CPNE5: variants seen among roughly 807,000 people sequenced by gnomAD.
CPNE5 encodes the protein copine 5, also known as copine-5.
A neutral mutation model predicts 81.1 loss-of-function variants in CPNE5; 42 were observed. That is an observed-to-expected ratio of 0.52 (90% confidence interval 0.40 to 0.67). The LOEUF (loss-of-function observed/expected upper bound fraction) is 0.67, where lower values mean the gene tolerates loss of function less well. CPNE5 is among the 30% of genes least tolerant of loss of function. The probability of loss-of-function intolerance (pLI) is 0.00; values close to 1 mark genes in which losing one functional copy is unlikely to be tolerated. For synonymous variants in CPNE5, 313 were observed against 321.5 expected, an observed-to-expected ratio of 0.97 and a Z score of 0.28; for missense variants, 612 against 815.5, an observed-to-expected ratio of 0.75 and a Z score of 3.04.
chr6:36,742,815 C>A, intron 20 of CPNE5: 1 of 985,420 alleles, frequency 1.0e-6, no homozygotes, highest in Non-Finnish European at 1.2e-6. Context: ...AACTGAATCC[C>A]TGACTTCTGG....
At position 36,837,180 on chromosome 6, in the gene CPNE5, C is replaced by T. The variant is rs367576594; in HGVS notation, c.95+2103G>A. Among the ~76,000 whole-genome samples, 8 of 152,314 alleles carry T rather than the reference C, an allele frequency of 5.3e-5. No homozygotes were observed. In the East Asian group the frequency reaches 9.6e-4, roughly 18 times the overall value. On this transcript the variant is annotated intron_variant, in intron 1 of 20. Coordinates refer to ENST00000244751, the MANE Select transcript of CPNE5 (RefSeq NM_020939.2). The stretch of plus-strand genomic sequence containing the variant: ...TGCCAAGCAAGTGCAAAGTAGCTTG[C>T]TAGGTGCTTCATGCTCCTCCACTCC...
rs573879786 is a variant in CPNE5, at chr6:36,756,413, G to T, written c.856-115C>A. Reference sequence around the variant, plus strand: ...AAGCCCAGCCCCATTAGAGTGTGGGGTGTGAAGACCACGGGGCCAGGGGAG... The same window carrying T: ...AAGCCCAGCCCCATTAGAGTGTGGGTTGTGAAGACCACGGGGCCAGGGGAG... On this transcript the variant is annotated intron_variant, in intron 12 of 20. Transcript: ENST00000244751. 7.8e-4 allele frequency: 627 copies of T among 807,980 alleles called. 3 individuals carry two copies. In the South Asian group the frequency reaches 8.4e-3, roughly 11 times the overall value. The allele number at this position is 807,980 out of a possible 1,614,324, so 50.1% of individuals were successfully genotyped here. A position where few individuals can be genotyped will look rare whatever the true frequency, so the allele number is the denominator to read the frequency against.
intron 12 of CPNE5, among the ~76,000 whole-genome samples, chr6:36,762,400 G>C (rs1404992953): frequency 6.6e-6 from 1 of 152,052 alleles, no homozygotes; most frequent in African/African-American, 2.4e-5. Flanking sequence ...AAATGCTACT[G>C]TTACACCTCC....
chr6:36,746,586 C>T lies in CPNE5; in HGVS notation c.1019-9G>A, dbSNP rs1281781349. On this transcript the variant is annotated splice_polypyrimidine_tract_variant and intron_variant, in intron 15 of 20. Coordinates refer to ENST00000244751, the MANE Select transcript of CPNE5 (RefSeq NM_020939.2). This position sits in a 1 kb window ranked among gnomAD's most constrained non-coding sequence, Gnocchi z 4.5. Reference sequence around the variant, plus strand: ...GGACTGTGAGGGGTTCCCTGTAACACAGGACATGGGAGCCTTTGACCATCT... The same window carrying T: ...GGACTGTGAGGGGTTCCCTGTAACATAGGACATGGGAGCCTTTGACCATCT... The T allele has an allele frequency of 6.2e-7, 1 of 1,608,754 alleles. No individual in the cohort carries two copies.
At chr6:36,794,176 G>A (rs998685648) in intron 7 of CPNE5, among the ~76,000 whole-genome samples, 2 of 151,012 alleles carry the variant, frequency 1.3e-5, no homozygotes, top group African/African-American at 2.4e-5. Context: ...GGGGAACAGG[G>A]GGGAAAGGAT....
chr6:36,746,324 T>G lies in CPNE5; in HGVS notation c.1200+72A>C. The stretch of plus-strand genomic sequence containing the variant: ...CCCCGGGCTCAGAGGAAGGGAAACG[T>G]CCCCCCACCCCCAGCTTGTCACCTC... On this transcript the variant is annotated intron_variant, in intron 16 of 20. Transcript: ENST00000244751. This position sits in a 1 kb window ranked among gnomAD's most constrained non-coding sequence, Gnocchi z 4.5. 1.4e-6 allele frequency: 2 copies of G among 1,386,258 alleles called. No individual in the cohort carries two copies. Among genetic ancestry groups the G allele is most frequent in the Non-Finnish European group, 1.9e-6 (2 of 1,048,186 alleles). The allele number at this position is 1,386,258 out of a possible 1,614,324, so 85.9% of individuals were successfully genotyped here. A position where few individuals can be genotyped will look rare whatever the true frequency, so the allele number is the denominator to read the frequency against.
chr6:36,826,609 G>A (rs954031895), intron 1 of CPNE5, among the ~76,000 whole-genome samples: 2 of 152,204 alleles, frequency 1.3e-5, no homozygotes, highest in East Asian at 1.9e-4. Flanking sequence ...CACTGGCTGT[G>A]CATGCCTCCA....
intron 16 of CPNE5, 115 bp from the exon 17 acceptor site, chr6:36,745,630 T>C: frequency 1.7e-6 from 2 of 1,202,332 alleles, no homozygotes; most frequent in Non-Finnish European, 2.3e-6. Context: ...CCAGGTCTTC[T>C]CTGGTGTGGG....
intron 1 of CPNE5, among the ~76,000 whole-genome samples, chr6:36,829,610 C>T (rs950862973): frequency 6.6e-5 from 10 of 151,966 alleles, no homozygotes; most frequent in Admixed American, 2.6e-4. Flanking sequence ...GTCAGGAGTT[C>T]GAGACCAGCC....
At chr6:36,822,732 C>T (rs1772164844) in intron 2 of CPNE5, among the ~76,000 whole-genome samples, 2 of 152,162 alleles carry the variant, frequency 1.3e-5, no homozygotes, top group African/African-American at 4.8e-5. Flanking sequence ...AACCTGGACT[C>T]CAAAACCAGT....
intron 1 of CPNE5, among the ~76,000 whole-genome samples, chr6:36,826,964 C>A (rs545518094): frequency 3.0e-4 from 45 of 152,266 alleles, no homozygotes; most frequent in Middle Eastern, 3.4e-3. Flanking sequence ...GGGACCTCGT[C>A]AGCCTTGTCA....
chr6:36,768,388 T>C (rs1157604777), intron 10 of CPNE5, among the ~76,000 whole-genome samples: 2 of 151,942 alleles, frequency 1.3e-5, no homozygotes, highest in Non-Finnish European at 2.9e-5. Context: ...CATGCCATCA[T>C]ATCCGGCTAA....
At chr6:36,814,990 C>T (rs534038694) in intron 3 of CPNE5, among the ~76,000 whole-genome samples, 98 of 152,082 alleles carry the variant, frequency 6.4e-4, no homozygotes, top group African/African-American at 2.1e-3. Context: ...CCAACCCCAT[C>T]TCTACTAAAA....
chr6:36,829,833 G>T (rs1238052629), intron 1 of CPNE5, among the ~76,000 whole-genome samples: 3 of 90,682 alleles, frequency 3.3e-5, no homozygotes, highest in African/African-American at 1.3e-4. Flanking sequence ...AAAAAAAAAA[G>T]TTGAGTGTAG....
chr6:36,759,936 G>A (rs542146868), intron 12 of CPNE5, among the ~76,000 whole-genome samples: 3 of 152,022 alleles, frequency 2.0e-5, no homozygotes, highest in Non-Finnish European at 2.9e-5. Context: ...GCCAGGCGTG[G>A]TGGCTCACAC....
intron 3 of CPNE5, among the ~76,000 whole-genome samples, chr6:36,820,129 T>C: frequency 6.6e-6 from 1 of 152,186 alleles, no homozygotes; most frequent in Non-Finnish European, 1.5e-5. Flanking sequence ...GGATCGCTCC[T>C]TTTGTTGTTC....
At chr6:36,821,970 T>G (rs1385611289) in intron 3 of CPNE5, 144 bp downstream of exon 3, 3 of 662,750 alleles carry the variant, frequency 4.5e-6, no homozygotes, top group Non-Finnish European at 7.4e-6. Flanking sequence ...GGATGGGACT[T>G]CATGCTTTGC....
chr6:36,775,854 C>T (rs757713935), intron 9 of CPNE5, among the ~76,000 whole-genome samples: 9 of 151,976 alleles, frequency 5.9e-5, no homozygotes, highest in Admixed American at 2.0e-4. Flanking sequence ...TCCCTAGTGC[C>T]TAGAACAGTG....
chr6:36,834,278 A>AAAAAAAAAG (rs1773235095), intron 1 of CPNE5, among the ~76,000 whole-genome samples: 7 of 91,774 alleles, frequency 7.6e-5, no homozygotes, highest in Non-Finnish European at 1.0e-4. Flanking sequence ...AAAAAAAAAA[A>AAAAAAAAAG]GGAAGGAAGG....
Sources: gnomAD v4.1 joint callset for allele counts (sites outside exome capture counted in the v4.1 genomes callset) on GRCh38, gnomAD v4.1.1 for gene constraint, Gnocchi (gnomAD v3.1) non-coding constraint, MANE v1.5 for transcripts, NCBI Gene and HGNC (gene_info 2026-07-23, HGNC 2026-07-21) for gene names.